Variants in ROBO2 observed in about 807,000 individuals in gnomAD.
The protein encoded by ROBO2 is roundabout homolog 2.
ROBO2 carries 53 observed loss-of-function variants against 160.8 expected under a neutral mutation model. The observed-to-expected ratio is 0.33, with a 90% confidence interval of 0.26 to 0.41. ROBO2 has a LOEUF of 0.41. Ranked by LOEUF, ROBO2 falls within the 10% of genes least tolerant of loss-of-function variation. ROBO2 has a pLI of 1.00. For synonymous variants in ROBO2, 664 were observed against 611.7 expected (o/e 1.09, Z -1.26); for missense variants, 1,577 against 1,722.4 (o/e 0.92, Z 1.49).
intron 2 of ROBO2, among the ~76,000 whole-genome samples, chr3:76,796,464 AAAGG>A (rs1309034540): frequency 6.5e-5 from 8 of 123,332 alleles, no homozygotes; most frequent in Non-Finnish European, 9.8e-5. Context: ...AAAAAGACCC[AAAGG>A]AAGGAAGGAA....
At chr3:76,759,572 A>C (rs192263080) in intron 2 of ROBO2, among the ~76,000 whole-genome samples, 16 of 151,890 alleles carry the variant, frequency 1.1e-4, no homozygotes, top group Admixed American at 1.1e-3. Context: ...AAATAAATAT[A>C]TTCATTAACT....
intron 2 of ROBO2, among the ~76,000 whole-genome samples, chr3:76,440,667 C>T (rs911247627): frequency 3.3e-5 from 5 of 152,136 alleles, no homozygotes; most frequent in Admixed American, 2.0e-4. Flanking sequence ...TCCACCACAT[C>T]GTCACACATC....
chr3:76,449,907 T>C (rs1402942896), intron 2 of ROBO2, among the ~76,000 whole-genome samples: 1 of 152,144 alleles, frequency 6.6e-6, no homozygotes, highest in East Asian at 1.9e-4. Context: ...GCTGCAAATA[T>C]AGAGTTGGGA....
chr3:77,254,564 T>G (rs1329085403), intron 2 of ROBO2, among the ~76,000 whole-genome samples: 2 of 152,176 alleles, frequency 1.3e-5, no homozygotes, highest in Non-Finnish European at 2.9e-5. Context: ...ATGTTGAAGT[T>G]GAATACCTTT....
At chr3:76,290,473 T>C (rs753455819) in intron 2 of ROBO2, among the ~76,000 whole-genome samples, 3 of 152,262 alleles carry the variant, frequency 2.0e-5, no homozygotes, top group East Asian at 1.9e-4. Flanking sequence ...AAGGGAGATA[T>C]AGTTTGACTT....
At chr3:76,749,410 TA>T (rs1269815029) in intron 2 of ROBO2, among the ~76,000 whole-genome samples, 2 of 151,986 alleles carry the variant, frequency 1.3e-5, no homozygotes, top group East Asian at 3.9e-4. Flanking sequence ...AATTATTTTT[TA>T]TTGGTAGATA....
At chr3:75,911,557 T>TC (rs1033149173) in intron 1 of ROBO2, among the ~76,000 whole-genome samples, 6 of 128,638 alleles carry the variant, frequency 4.7e-5, no homozygotes, top group African/African-American at 1.8e-4. Flanking sequence ...TGTTTCTTTT[T>TC]TTTTTTTTTT....
At chr3:76,593,791 T>C (rs1166854044) in intron 2 of ROBO2, among the ~76,000 whole-genome samples, 3 of 151,954 alleles carry the variant, frequency 2.0e-5, no homozygotes, top group Non-Finnish European at 4.4e-5. Flanking sequence ...AGCAGCTTCA[T>C]GTTTATTTAT....
chr3:76,971,633 G>A (rs1477715878), intron 2 of ROBO2, among the ~76,000 whole-genome samples: 1 of 152,170 alleles, frequency 6.6e-6, no homozygotes, highest in African/African-American at 2.4e-5. Flanking sequence ...CATCAAGTGT[G>A]TGTTGATTGC....
chr3:76,417,329 C>T lies in ROBO2; in HGVS notation c.109+479727C>T, dbSNP rs372400707. 9.9e-5 allele frequency among the ~76,000 whole-genome samples: 15 copies of T among 152,208 alleles called. No homozygotes were observed. The South Asian group carries it at 2.9e-3, about 29-fold the overall frequency. Reference sequence around the variant, plus strand: ...CCAGGCACAGAACAAGATTCAGTGACTGCTTTCACAGTGTCCATTCTAGGA... The same window carrying T: ...CCAGGCACAGAACAAGATTCAGTGATTGCTTTCACAGTGTCCATTCTAGGA... On this transcript the variant is annotated intron_variant, in intron 2 of 26. Transcript: ENST00000487694.
intron 2 of ROBO2, among the ~76,000 whole-genome samples, chr3:77,179,793 T>G (rs1429477889): frequency 6.6e-6 from 1 of 152,144 alleles, no homozygotes; most frequent in Non-Finnish European, 1.5e-5. Flanking sequence ...GAATTACATG[T>G]GACTACAAGA....
intron 2 of ROBO2, among the ~76,000 whole-genome samples, chr3:76,343,996 G>A (rs1236306528): frequency 2.6e-5 from 4 of 151,984 alleles, no homozygotes; most frequent in African/African-American, 9.7e-5. Flanking sequence ...TATCTTTAAA[G>A]TGGGGCTGTT....
At chr3:75,989,171 T>G (rs1316306668) in intron 2 of ROBO2, among the ~76,000 whole-genome samples, 7 of 152,020 alleles carry the variant, frequency 4.6e-5, no homozygotes, top group African/African-American at 1.7e-4. Context: ...CAGGCTGGAG[T>G]GCAATGGTGT....
At chr3:76,630,821 T>C (rs1435822679) in intron 2 of ROBO2, among the ~76,000 whole-genome samples, 1 of 152,248 alleles carries the variant, frequency 6.6e-6, no homozygotes, top group Non-Finnish European at 1.5e-5. Flanking sequence ...TCTACCTCTC[T>C]ATTATGTATT....
chr3:76,732,680 A>G (rs1409388481), intron 2 of ROBO2, among the ~76,000 whole-genome samples: 7 of 152,184 alleles, frequency 4.6e-5, no homozygotes, highest in Non-Finnish European at 1.0e-4. Flanking sequence ...GAACACAAGC[A>G]TTAGTAAGTG....
intron 2 of ROBO2, among the ~76,000 whole-genome samples, chr3:76,318,055 T>C (rs2072191442): frequency 6.6e-6 from 1 of 152,094 alleles, no homozygotes; most frequent in African/African-American, 2.4e-5. Flanking sequence ...TCCCTTGTGA[T>C]TAAAATACCC....
At chr3:76,218,696 C>T (rs1489971565) in intron 2 of ROBO2, among the ~76,000 whole-genome samples, 9 of 152,146 alleles carry the variant, frequency 5.9e-5, no homozygotes, top group Non-Finnish European at 1.0e-4. Context: ...ATTCCATGCT[C>T]ATGGGTAGGA....
At chr3:76,701,248 C>G (rs2093039481) in intron 2 of ROBO2, among the ~76,000 whole-genome samples, 2 of 152,000 alleles carry the variant, frequency 1.3e-5, no homozygotes, top group South Asian at 4.2e-4. Context: ...TTTAATTGTT[C>G]CATTTAGTTT....
At chr3:76,310,840 T>C (rs1194736770) in intron 2 of ROBO2, among the ~76,000 whole-genome samples, 2 of 152,190 alleles carry the variant, frequency 1.3e-5, no homozygotes, top group East Asian at 1.9e-4. Flanking sequence ...CACTGAAGCC[T>C]TATTACTCTT....
Sources: allele counts gnomAD v4.1 joint callset (sites outside exome capture counted in the v4.1 genomes callset), GRCh38; gene constraint gnomAD v4.1.1; transcripts MANE v1.5; gene names NCBI Gene and HGNC (gene_info 2026-07-23, HGNC 2026-07-21).